The following XRCC4 variants were observed in gnomAD, a reference collection of about 807,000 sequenced individuals.
The protein encoded by XRCC4 is DNA repair protein XRCC4.
XRCC4 carries 28 observed loss-of-function variants against 39.1 expected under a neutral mutation model. The observed-to-expected ratio is 0.72, with a 90% CI of 0.53 to 0.98. The LOEUF (loss-of-function observed/expected upper bound fraction) is 0.98, where lower values mean the gene tolerates loss of function less well. XRCC4 is among the 50% of genes least tolerant of loss of function. The probability of loss-of-function intolerance (pLI) is 0.00; values close to 1 mark genes in which losing one functional copy is unlikely to be tolerated. For missense variants in XRCC4, 350 were observed against 376.4 expected (o/e 0.93, Z 0.58); for synonymous variants, 123 against 126.4 (o/e 0.97, Z 0.18).
At position 83,229,272 on chromosome 5, in the gene XRCC4, A is replaced by G. The variant is rs569255103; in HGVS notation, c.745+24351A>G. 8.5e-5 allele frequency among the ~76,000 whole-genome samples: 13 copies of G among 152,190 alleles called. No homozygotes were observed. In the East Asian group the frequency reaches 2.5e-3, roughly 29 times the overall value. ...GAGTTTTGGGGCACTGATGTATGCC[A>G]TGATCCTCTCAGGCATTGTGCTGGC... is the stretch of plus-strand genomic sequence containing the variant. On this transcript the variant is annotated intron_variant, in intron 6 of 7. Transcript: ENST00000396027.
chr5:83,205,760 A>G (rs1751395820), intron 6 of XRCC4, among the ~76,000 whole-genome samples: 1 of 152,126 alleles, frequency 6.6e-6, no homozygotes, highest in Non-Finnish European at 1.5e-5. Context: ...TGTTAGGTTG[A>G]TAAGTGCTAA....
intron 3 of XRCC4, among the ~76,000 whole-genome samples, chr5:83,178,488 G>A (rs1012275302): frequency 2.6e-5 from 4 of 152,104 alleles, no homozygotes; most frequent in East Asian, 1.9e-4. Flanking sequence ...GATCAAATGC[G>A]ATAGATATAG....
rs960939090 is a variant in XRCC4 at position 83,320,182 on chromosome 5, G to C, written c.894-32949G>C. The stretch of plus-strand genomic sequence containing the variant: ...TGAGATCACATGGACACAGGAAGGG[G>C]AATATCACACTCTGGGGACTGTTGT... On this transcript the variant is annotated intron_variant, in intron 7 of 7. Transcript: ENST00000396027. 8.2e-5 allele frequency among the ~76,000 whole-genome samples: 10 copies of C among 122,436 alleles called. No individual in the cohort carries two copies. The South Asian group carries it at 2.8e-3, about 34-fold the overall frequency. The allele number at this position is 122,436 out of a possible 152,430, so 80.3% of individuals were successfully genotyped here. A position where few individuals can be genotyped will look rare whatever the true frequency, so the allele number is the denominator to read the frequency against.
intron 7 of XRCC4, among the ~76,000 whole-genome samples, chr5:83,261,932 A>G (rs1022586274): frequency 6.6e-6 from 1 of 152,120 alleles, no homozygotes; most frequent in Non-Finnish European, 1.5e-5. Flanking sequence ...TAAGTACTTT[A>G]TAAATACCAC....
intron 7 of XRCC4, among the ~76,000 whole-genome samples, chr5:83,295,228 TG>T (rs1408241439): frequency 1.3e-5 from 2 of 152,042 alleles, no homozygotes; most frequent in Non-Finnish European, 2.9e-5. Context: ...ACTTTTTAAC[TG>T]AACATCACTA....
chr5:83,165,312 A>C (rs1237949100), intron 3 of XRCC4, among the ~76,000 whole-genome samples: 2 of 112,572 alleles, frequency 1.8e-5, no homozygotes, highest in East Asian at 4.1e-4. Context: ...TAGGTGAATC[A>C]ATAGACATTG....
intron 7 of XRCC4, among the ~76,000 whole-genome samples, chr5:83,308,057 A>AC (rs1446725252): frequency 2.6e-5 from 4 of 152,194 alleles, no homozygotes; most frequent in African/African-American, 9.7e-5. Context: ...ATTTTGGAGG[A>AC]CCAAGAAAAA....
intron 7 of XRCC4, among the ~76,000 whole-genome samples, chr5:83,296,940 C>T (rs922194874): frequency 7.2e-5 from 11 of 151,812 alleles, no homozygotes; most frequent in Non-Finnish European, 1.3e-4. Context: ...AGAAACAATT[C>T]GGTGCAATCT....
intron 6 of XRCC4, among the ~76,000 whole-genome samples, chr5:83,210,673 T>C (rs1014967149): frequency 1.1e-4 from 17 of 152,186 alleles, no homozygotes; most frequent in Admixed American, 3.3e-4. Flanking sequence ...TTTTTTCTCC[T>C]ATATAGAAAA....
intron 3 of XRCC4, among the ~76,000 whole-genome samples, chr5:83,145,908 A>G (rs1339309064): frequency 6.9e-6 from 1 of 144,308 alleles, no homozygotes; most frequent in Non-Finnish European, 1.5e-5. Flanking sequence ...ATTGTTATCT[A>G]TGATAGGGTT....
At chr5:83,203,880 C>T (rs948334479) in intron 5 of XRCC4, among the ~76,000 whole-genome samples, 173 bp downstream of exon 5, 1 of 151,970 alleles carries the variant, frequency 6.6e-6, no homozygotes, top group African/African-American at 2.4e-5. Flanking sequence ...GAGTTCTCAG[C>T]ATGGTCTCTC....
intron 7 of XRCC4, among the ~76,000 whole-genome samples, chr5:83,283,399 T>C (rs1202716927): frequency 3.9e-5 from 6 of 152,220 alleles, no homozygotes; most frequent in Non-Finnish European, 1.5e-5. Flanking sequence ...TATGTCTACC[T>C]AGTTGGAGCA....
chr5:83,372,582 A>G, the XRCC4 span, among the ~76,000 whole-genome samples: 1 of 152,182 alleles, frequency 6.6e-6, no homozygotes, highest in Admixed American at 6.5e-5. Context: ...CTAAATAAAT[A>G]ATATGTCATA....
chr5:83,127,263 T>C (rs901995374), intron 3 of XRCC4, among the ~76,000 whole-genome samples: 2 of 152,110 alleles, frequency 1.3e-5, no homozygotes, highest in Non-Finnish European at 2.9e-5. Flanking sequence ...ACCCCTGATA[T>C]GGTTTGGCTA....
chr5:83,211,930 G>T (rs1249302102), intron 6 of XRCC4, among the ~76,000 whole-genome samples: 1 of 152,132 alleles, frequency 6.6e-6, no homozygotes, highest in Non-Finnish European at 1.5e-5. Flanking sequence ...AAAATGTTTA[G>T]TTTTCAACAA....
intron 7 of XRCC4, among the ~76,000 whole-genome samples, chr5:83,263,294 G>T (rs997199380): frequency 2.6e-5 from 4 of 151,828 alleles, no homozygotes; most frequent in African/African-American, 9.7e-5. Flanking sequence ...GAACAATGCC[G>T]CAGTAAACAT....
chr5:83,249,287 A>T (rs1753223151), intron 6 of XRCC4, among the ~76,000 whole-genome samples: 1 of 152,142 alleles, frequency 6.6e-6, no homozygotes, highest in South Asian at 2.1e-4. Context: ...ACCATTTGGT[A>T]TAGATTTTTT....
intron 6 of XRCC4, among the ~76,000 whole-genome samples, chr5:83,248,968 A>G (rs920118097): frequency 6.6e-6 from 1 of 152,110 alleles, no homozygotes; most frequent in Non-Finnish European, 1.5e-5. Context: ...ATACTTTTTG[A>G]CCCAATACTA....
chr5:83,365,850 G>A, the XRCC4 span, among the ~76,000 whole-genome samples: 1 of 152,142 alleles, frequency 6.6e-6, no homozygotes, highest in Non-Finnish European at 1.5e-5. Flanking sequence ...TTCATTCTTG[G>A]AGACTTGGTG....
Sources: allele counts gnomAD v4.1 joint callset (sites outside exome capture counted in the v4.1 genomes callset), GRCh38; gene constraint gnomAD v4.1.1; transcripts MANE v1.5; gene names NCBI Gene and HGNC (gene_info 2026-07-23, HGNC 2026-07-21).